POLR2D: variants seen among roughly 807,000 people sequenced by gnomAD.
The protein encoded by POLR2D is RNA polymerase II subunit D.
In POLR2D, 10 loss-of-function variants were observed where a neutral mutation model predicts 17.6. That is an observed-to-expected ratio of 0.57 (90% CI 0.35 to 0.96). POLR2D has a LOEUF of 0.96. Among genes scored for constraint, POLR2D ranks in the 40% least tolerant of loss-of-function variants. The pLI is 0.02. For missense variants in POLR2D, 126 were observed against 176.4 expected (o/e 0.71, Z 1.62); for synonymous variants, 52 against 60.2 (o/e 0.86, Z 0.63).
In POLR2D at chr2:127,847,666, A is replaced by G. The variant is rs1690178371; in HGVS notation, c.*441T>C. On this transcript the variant is annotated 3_prime_UTR_variant, in exon 4 of 4. Transcript: ENST00000272645. ...AAAAAAAAAAGCATTTCAAACTAAC[A>G]GCGGTTTAATTCTTCCTTTAGTATC... is the stretch of plus-strand genomic sequence containing the variant. 5.9e-6 allele frequency: 1 copy of G among 169,644 alleles called. No individual in the cohort carries two copies. The highest frequency in any genetic ancestry group is 1.3e-4 in the South Asian group (1 of 7,502). The allele number at this position is 169,644 out of a possible 1,614,324, so 10.5% of individuals were successfully genotyped here.
rs1289141238 is a variant in POLR2D at position 127,845,367 on chromosome 2, A to C, written c.*2740T>G. The C allele has an allele frequency of 7.7e-6, 1 of 130,312 alleles. No individual in the cohort carries two copies. The highest frequency in any genetic ancestry group is 1.6e-5 in the Non-Finnish European group (1 of 62,674). The allele number at this position is 130,312 out of a possible 1,614,324, so 8.1% of individuals were successfully genotyped here. On this transcript the variant is annotated 3_prime_UTR_variant, in exon 4 of 4. Transcript: ENST00000272645. ...AGTTAACTGTAGATTTGGGTAAGCA[A>C]TTTCACTTTTTTTTTTTTTTTTTTT...
intron 3 of POLR2D, among the ~76,000 whole-genome samples, chr2:127,848,933 T>C (rs992174004): frequency 7.2e-5 from 11 of 152,014 alleles, no homozygotes; most frequent in African/African-American, 2.7e-4. Context: ...GTGCTGGGAT[T>C]ACAGGCATGA....
intron 1 of POLR2D, 46 bp downstream of exon 1, chr2:127,857,982 G>C: frequency 6.4e-7 from 1 of 1,567,336 alleles, no homozygotes; most frequent in South Asian, 1.2e-5. Context: ...GGCCTGCGGC[G>C]ACCACGCGAA....
chr2:127,852,795 G>A lies in POLR2D; in HGVS notation c.254+130C>T. ...CAACCTTCCAAAGTGCTGGGTGTGA[G>A]CCACCATGCCCAGCCTAACATTATT... On this transcript the variant is annotated intron_variant, in intron 2 of 3. Transcript: ENST00000272645. This position sits in a 1 kb window ranked among gnomAD's most constrained non-coding sequence, Gnocchi z 4.0. 2 of 710,748 alleles carry A rather than the reference G, an allele frequency of 2.8e-6. No homozygotes were observed. The highest frequency in any genetic ancestry group is 2.4e-5 in the Admixed American group (1 of 40,968). 44.0% of individuals were successfully genotyped at this position (710,748 alleles called of 1,614,324 possible). A position where few individuals can be genotyped will look rare whatever the true frequency, so the allele number is the denominator to read the frequency against.
chr2:127,849,832 G>A lies in POLR2D; in HGVS notation c.350+758C>T, dbSNP rs1015613966. ...AGGCTGAGGCAGGCAGATCACTTGA[G>A]GCCAGAAGTTTGAGACCAGCCTGGC... On this transcript the variant is annotated intron_variant, in intron 3 of 3. Transcript: ENST00000272645. Among the ~76,000 whole-genome samples the A allele has an allele frequency of 7.2e-4, 110 of 151,886 alleles. 2 individuals carry two copies. Among genetic ancestry groups the A allele is most frequent in the Non-Finnish European group, 2.4e-4 (16 of 67,922 alleles).
intron 3 of POLR2D, 150 bp downstream of exon 3, chr2:127,850,440 C>CA (rs60975701): frequency 0.21 from 22,103 of 106,284 alleles, 2,775 homozygotes; most frequent in African/African-American, 0.29. Context: ...AACTCCGTCT[C>CA]AAAAAAAAAA....
rs1332973962 is a variant in POLR2D, at chr2:127,852,221, AC to A, written c.254+703del. ...AAAAAGTTACTTCCCCACTAACAGTACCATTTAGATCACACATACTGGACTT... is the reference window on the plus strand; with the variant it reads ...AAAAAGTTACTTCCCCACTAACAGTACATTTAGATCACACATACTGGACTT... On this transcript the variant is annotated intron_variant, in intron 2 of 3. Transcript: ENST00000272645. The surrounding 1 kb of genome is among the most constrained non-coding windows in gnomAD (Gnocchi z 4.0). Among the ~76,000 whole-genome samples the A allele has an allele frequency of 1.3e-5, 2 of 152,190 alleles. No homozygotes were observed. Among genetic ancestry groups the A allele is most frequent in the African/African-American group, 4.8e-5 (2 of 41,452 alleles).
chr2:127,851,115 C>CT (rs1358293525), intron 2 of POLR2D, among the ~76,000 whole-genome samples: 2 of 152,144 alleles, frequency 1.3e-5, no homozygotes, highest in African/African-American at 2.4e-5. Context: ...ACTCGGGAGG[C>CT]TGAGGCAGGA....
chr2:127,855,786 C>T (rs370204950), intron 1 of POLR2D, among the ~76,000 whole-genome samples: 1 of 139,668 alleles, frequency 7.2e-6, no homozygotes, highest in South Asian at 2.2e-4. Context: ...AGTGAAGGCG[C>T]GCACACGCGC....
intron 1 of POLR2D, among the ~76,000 whole-genome samples, chr2:127,855,929 A>G (rs1473986671): frequency 6.6e-6 from 1 of 152,252 alleles, no homozygotes; most frequent in Admixed American, 6.5e-5. Context: ...TTGCTAAAAA[A>G]GGAAAAACAA....
rs1690104335 is a variant in POLR2D at position 127,843,607 on chromosome 2, A to T, written c.*4500T>A. ...TACTAAGGCAACTCATCGATGCTGA[A>T]GTCCCATCCAGTATGCTATTTTTCA... is the stretch of plus-strand genomic sequence containing the variant. On this transcript the variant is annotated 3_prime_UTR_variant, in exon 4 of 4. Coordinates refer to ENST00000272645, the MANE Select transcript of POLR2D (RefSeq NM_004805.4). 6.6e-6 allele frequency: 1 copy of T among 152,428 alleles called. No individual in the cohort carries two copies. Among genetic ancestry groups the T allele is most frequent in the African/African-American group, 2.4e-5 (1 of 41,454 alleles). 9.4% of individuals were successfully genotyped at this position (152,428 alleles called of 1,614,324 possible).
At position 127,858,090 on chromosome 2, in the gene POLR2D, C is replaced by A; in HGVS notation, c.11G>T (p.Gly4Val). ...GTCGCCAGCCCGCGGATCGCTGCCA[C>A]CCGCCGCCATCGCCGCGCCGCGCCG... MAA[G>V]GSDPRAGDVE... The change falls in exon 1 of 4, where the codon GGT (glycine) becomes GTT (valine). Residue 4 changes from glycine to valine, a missense_variant. By Grantham distance (109) the Gly-to-Val change is moderately radical (BLOSUM62 -3). Coordinates refer to ENST00000272645, the MANE Select transcript of POLR2D (RefSeq NM_004805.4). 2 of 1,515,548 alleles carry A rather than the reference C, an allele frequency of 1.3e-6. No individual in the cohort carries two copies. The highest frequency in any genetic ancestry group is 1.4e-5 in the African/African-American group (1 of 69,002). The allele number at this position is 1,515,548 out of a possible 1,614,324, so 93.9% of individuals were successfully genotyped here.
chr2:127,850,991 C>A (rs183562114), intron 2 of POLR2D, among the ~76,000 whole-genome samples: 3,900 of 152,116 alleles, frequency 0.026, 42 homozygotes, highest in Middle Eastern at 0.051. Context: ...GAGGCCGAGG[C>A]GGGTGGATCA....
intron 3 of POLR2D, 29 bp from the exon 4 acceptor site, chr2:127,848,214 T>A: frequency 6.7e-7 from 1 of 1,501,220 alleles, no homozygotes; most frequent in East Asian, 2.3e-5. Context: ...AAATGAGTGA[T>A]TTGGCGACTG....
At chr2:127,857,511 A>C (rs1353616979) in intron 1 of POLR2D, among the ~76,000 whole-genome samples, 2 of 152,126 alleles carry the variant, frequency 1.3e-5, no homozygotes, top group Non-Finnish European at 2.9e-5. Context: ...CCTCTGTGGG[A>C]GGGTAGGGGC....
At chr2:127,855,096 T>C (rs1280134404) in intron 1 of POLR2D, among the ~76,000 whole-genome samples, 2 of 151,070 alleles carry the variant, frequency 1.3e-5, no homozygotes, top group Admixed American at 6.6e-5. Context: ...GAAAAATCAA[T>C]GTTAAGAGAT....
chr2:127,857,352 C>T (rs1354550057), intron 1 of POLR2D, among the ~76,000 whole-genome samples: 1 of 152,170 alleles, frequency 6.6e-6, no homozygotes, highest in Non-Finnish European at 1.5e-5. Flanking sequence ...AAGTGTAAGA[C>T]AGCTGTATAC....
Position 127,845,697 on chromosome 2 carries a change from C to G in POLR2D, c.*2410G>C, listed in dbSNP as rs1690142842. On this transcript the variant is annotated 3_prime_UTR_variant, in exon 4 of 4. Transcript: ENST00000272645. ...GCCCAATTTCATTTATTTTCCAAGT[C>G]TGATACTATCAGTTGGTAGGCTAAC... 6.6e-6 allele frequency: 1 copy of G among 152,118 alleles called. No homozygotes were observed. Among genetic ancestry groups the G allele is most frequent in the Admixed American group, 6.6e-5 (1 of 15,252 alleles). 9.4% of individuals were successfully genotyped at this position (152,118 alleles called of 1,614,324 possible).
intron 1 of POLR2D, chr2:127,856,831 T>C (rs1690341435): frequency 6.6e-6 from 1 of 151,844 alleles, no homozygotes; most frequent in South Asian, 2.1e-4. Flanking sequence ...AGGTCACGAG[T>C]TCGAGAACAG....
Sources: gnomAD v4.1 joint callset for allele counts (sites outside exome capture counted in the v4.1 genomes callset) on GRCh38, gnomAD v4.1.1 for gene constraint, Gnocchi (gnomAD v3.1) non-coding constraint, MANE v1.5 for transcripts, NCBI Gene and HGNC (gene_info 2026-07-23, HGNC 2026-07-21) for gene names.